LRP6: variants seen among roughly 807,000 people sequenced by gnomAD.
LRP6 encodes LDL receptor related protein 6, also known as low-density lipoprotein receptor-related protein 6.
Under a neutral mutation model 184.1 loss-of-function variants are expected in LRP6, and 43 were observed. That is an observed-to-expected ratio of 0.23 (90% CI 0.18 to 0.30). The LOEUF (loss-of-function observed/expected upper bound fraction) is 0.30. Among genes scored for constraint, LRP6 ranks in the 10% least tolerant of loss-of-function variants. The pLI, the probability that LRP6 is intolerant of heterozygous loss-of-function variation, is 1.00. For missense variants in LRP6, 1,571 were observed against 2,005.3 expected (o/e 0.78, Z 4.14); for synonymous variants, 719 against 684.9 (o/e 1.05, Z -0.78).
chr12:12,232,396 A>C (rs1864815079), intron 2 of LRP6, among the ~76,000 whole-genome samples: 1 of 152,012 alleles, frequency 6.6e-6, no homozygotes, highest in East Asian at 1.9e-4. Context: ...AAAAAAAAAA[A>C]AAAATTTAAG....
intron 1 of LRP6, among the ~76,000 whole-genome samples, chr12:12,252,044 A>C (rs1415628041): frequency 6.6e-6 from 1 of 152,016 alleles, no homozygotes; most frequent in African/African-American, 2.4e-5. Flanking sequence ...TAGGCATGAA[A>C]TCTTTCGCCC....
chr12:12,123,226 T>C (rs962837667), intron 22 of LRP6, among the ~76,000 whole-genome samples: 6 of 152,252 alleles, frequency 3.9e-5, no homozygotes, highest in Non-Finnish European at 5.9e-5. Flanking sequence ...CTTAGTCAAT[T>C]TGAATTAAGG....
Position 12,244,627 on chromosome 12 carries a change from T to C in LRP6, c.84A>G (p.Arg28=), listed in dbSNP as rs1865140605. 1 of 1,613,924 alleles carries C rather than the reference T, an allele frequency of 6.2e-7. No homozygotes were observed. The change falls in exon 2 of 23, where the codon AGA becomes AGG. Residue 28 remains arginine, a synonymous_variant. Transcript: ENST00000261349. ...RAAPLLLYAN[R]RDLRLVDATN... ...TAGCATCAACCAATCGCAAGTCCCG[T>C]CTGTTTGCATAAAGCAACAAAGGGG...
chr12:12,125,463 T>G (rs1949660537), intron 20 of LRP6, 31 bp from the exon 21 acceptor site: 15 of 1,600,724 alleles, frequency 9.4e-6, no homozygotes, highest in Non-Finnish European at 1.3e-5. Flanking sequence ...AAACTGAAGA[T>G]GAGTATGATA....
At position 12,197,316 on chromosome 12, in the gene LRP6, A is replaced by C. The variant is rs191985521; in HGVS notation, c.647+5887T>G. On this transcript the variant is annotated intron_variant, in intron 3 of 22. Coordinates refer to ENST00000261349, the MANE Select transcript of LRP6 (RefSeq NM_002336.3). ...TGTACATTTCTTGCCCAAAACCTAG[A>C]ATCAGCAATTTTGCCAGAAAGGCTT... Among the ~76,000 whole-genome samples the C allele has an allele frequency of 2.9e-4, 44 of 152,296 alleles. No individual in the cohort carries two copies. The East Asian group carries it at 3.7e-3, about 13-fold the overall frequency.
intron 2 of LRP6, among the ~76,000 whole-genome samples, chr12:12,209,547 T>C (rs1183963980): frequency 2.0e-5 from 3 of 152,190 alleles, no homozygotes; most frequent in African/African-American, 7.2e-5. Flanking sequence ...TGTGCCTTCA[T>C]TTGTGCAAAT....
At position 12,255,808 on chromosome 12, in the gene LRP6, C is replaced by T. The variant is rs188982315; in HGVS notation, c.55+10873G>A. Among the ~76,000 whole-genome samples, 130 of 151,976 alleles carry T rather than the reference C, an allele frequency of 8.6e-4. 1 individual carries two copies. Among genetic ancestry groups the T allele is most frequent in the Non-Finnish European group, 1.6e-3 (107 of 67,960 alleles). ...CTGGTCTCAAACTCCTAAGCTCAAG[C>T]GATCCTCTGCCACGGCCTTCCAAAG... On this transcript the variant is annotated intron_variant, in intron 1 of 22. Transcript: ENST00000261349.
intron 6 of LRP6, among the ~76,000 whole-genome samples, 169 bp from the exon 7 acceptor site, chr12:12,180,150 A>G: frequency 6.6e-6 from 1 of 151,162 alleles, no homozygotes; most frequent in East Asian, 1.9e-4. Flanking sequence ...TTATCCCAGC[A>G]ATATATAAGA....
chr12:12,239,994 TA>T (rs201661075), intron 2 of LRP6, among the ~76,000 whole-genome samples: 3,799 of 139,470 alleles, frequency 0.027, 119 homozygotes, highest in African/African-American at 0.076. Context: ...GTTAAGATAT[TA>T]AAAAAAAAAA....
chr12:12,249,226 C>T (rs371458908), intron 1 of LRP6: 2 of 830,122 alleles, frequency 2.4e-6, no homozygotes, highest in Non-Finnish European at 4.1e-6. Flanking sequence ...GAAGCACCCC[C>T]CTTTGTAAGA....
At chr12:12,246,235 G>A (rs2135921303) in intron 1 of LRP6, among the ~76,000 whole-genome samples, 1 of 151,716 alleles carries the variant, frequency 6.6e-6, no homozygotes, top group East Asian at 2.0e-4. Flanking sequence ...TGAACTCCTG[G>A]CCTCCGGTGA....
chr12:12,247,684 A>G (rs1865221751), intron 1 of LRP6, among the ~76,000 whole-genome samples: 1 of 152,358 alleles, frequency 6.6e-6, no homozygotes, highest in African/African-American at 2.4e-5. Context: ...GTTCAGCAAC[A>G]TATTAAATGG....
chr12:12,132,197 C>A, intron 17 of LRP6, 140 bp from the exon 18 acceptor site: 1 of 694,400 alleles, frequency 1.4e-6, no homozygotes, highest in Non-Finnish European at 2.6e-6. Context: ...ATAACTATCT[C>A]ATCTATTCAA....
intron 22 of LRP6, 62 bp from the exon 23 acceptor site, chr12:12,121,482 T>C: frequency 6.8e-7 from 1 of 1,480,366 alleles, no homozygotes; most frequent in Non-Finnish European, 9.4e-7. Context: ...ATTTCCCCTC[T>C]CAGAATAGAG....
chr12:12,195,291 G>A (rs1433550864), intron 3 of LRP6, among the ~76,000 whole-genome samples: 3 of 152,002 alleles, frequency 2.0e-5, no homozygotes, highest in Admixed American at 6.6e-5. Flanking sequence ...TCTCCATAGC[G>A]GCTGTACTAG....
In LRP6 at chr12:12,255,633, C is replaced by T. The variant is rs528331838; in HGVS notation, c.56-10978G>A. ...CCATCCAGGCTGGAGTGCAGTGGTGCGATCTCATCTCACTGCAACCTCCAC... is the reference window on the plus strand; with the variant it reads ...CCATCCAGGCTGGAGTGCAGTGGTGTGATCTCATCTCACTGCAACCTCCAC... On this transcript the variant is annotated intron_variant, in intron 1 of 22. Transcript: ENST00000261349. Among the ~76,000 whole-genome samples, 5 of 138,882 alleles carry T rather than the reference C, an allele frequency of 3.6e-5. 1 individual carries two copies. The highest frequency in any genetic ancestry group is 1.1e-4 in the African/African-American group (4 of 35,840). 91.1% of individuals were successfully genotyped at this position (138,882 alleles called of 152,430 possible). A position where few individuals can be genotyped will look rare whatever the true frequency, so the allele number is the denominator to read the frequency against.
intron 7 of LRP6, among the ~76,000 whole-genome samples, chr12:12,172,188 G>A (rs1350219173): frequency 1.3e-5 from 2 of 152,186 alleles, no homozygotes; most frequent in African/African-American, 2.4e-5. Flanking sequence ...CTCCAAATCT[G>A]AACCAGAGTC....
At chr12:12,260,031 T>C (rs1341453573) in intron 1 of LRP6, among the ~76,000 whole-genome samples, 1 of 152,244 alleles carries the variant, frequency 6.6e-6, no homozygotes, top group Non-Finnish European at 1.5e-5. Context: ...CTGTCTGTTC[T>C]GTAGCTTATT....
chr12:12,158,858 G>C lies in LRP6; in HGVS notation c.2762C>G (p.Ser921Cys), dbSNP rs1862663938. Residue 921 changes from serine (S) to cysteine (C), a missense_variant, in exon 12 of 23, where the codon TCT becomes TGT. This residue lies in a region of LRP6 where 763 missense variants were observed against 859.5 expected (regional missense o/e 0.89). Coordinates refer to ENST00000261349, the MANE Select transcript of LRP6 (RefSeq NM_002336.3). ...ACAAGTCCTGTTGTCAGCATTAAGA[G>C]AGTAGTGGGCAGGGCATCCACAAAC... is the stretch of plus-strand genomic sequence containing the variant. The part of the protein sequence containing the change: ...GFVCGCPAHY[S>C]LNADNRTCSA... 4.3e-6 allele frequency: 7 copies of C among 1,614,218 alleles called. No individual in the cohort carries two copies. The highest frequency in any genetic ancestry group is 5.1e-6 in the Non-Finnish European group (6 of 1,180,044).
Sources: gnomAD v4.1 joint callset for allele counts (sites outside exome capture counted in the v4.1 genomes callset) on GRCh38, gnomAD v4.1.1 for gene constraint, gnomAD v4.1.1 regional missense constraint, MANE v1.5 for transcripts, NCBI Gene and HGNC (gene_info 2026-07-23, HGNC 2026-07-21) for gene names.